The following TTF1 variants were observed in gnomAD, a reference collection of about 807,000 sequenced individuals.
TTF1 encodes transcription termination factor 1, also known as transcription termination factor, RNA polymerase I.
TTF1 carries 64 observed loss-of-function variants against 80.2 expected under a neutral mutation model. The ratio of observed to expected loss-of-function variants is 0.80; its 90% CI spans 0.65 to 0.98. The LOEUF (loss-of-function observed/expected upper bound fraction) is 0.98. Among genes scored for constraint, TTF1 ranks in the 50% least tolerant of loss-of-function variants. TTF1 has a pLI of 0.00. For synonymous variants in TTF1, 372 were observed against 382.7 expected (o/e 0.97, Z 0.33); for missense variants, 1,023 against 1,086.2 (o/e 0.94, Z 0.82).
rs902704125 is a variant in TTF1, at chr9:132,384,922, C to T, written c.2378+1634G>A. Among the ~76,000 whole-genome samples the T allele has an allele frequency of 6.6e-6, 1 of 152,168 alleles. No homozygotes were observed. Among genetic ancestry groups the T allele is most frequent in the African/African-American group, 2.4e-5 (1 of 41,436 alleles). ...CTGCCCACCTTGGCCTCCCAAAGTGCTGGGATTACAGGCAAGAGCCACCGT... is the reference window on the plus strand; with the variant it reads ...CTGCCCACCTTGGCCTCCCAAAGTGTTGGGATTACAGGCAAGAGCCACCGT... On this transcript the variant is annotated intron_variant, in intron 9 of 10. Coordinates refer to ENST00000334270, the MANE Select transcript of TTF1 (RefSeq NM_007344.4). The surrounding 1 kb of genome is among the most constrained non-coding windows in gnomAD (Gnocchi z 4.1).
Position 132,403,499 on chromosome 9 carries a change from A to G in TTF1, c.-7-671T>C, listed in dbSNP as rs1486288974. On this transcript the variant is annotated intron_variant, in intron 1 of 10. Transcript: ENST00000334270. Reference sequence around the variant, plus strand: ...CAGCTCTCCATGAAATTCTCTCCACAGCCTCCCCACCCTCCTTGCCTCCTG... The same window carrying G: ...CAGCTCTCCATGAAATTCTCTCCACGGCCTCCCCACCCTCCTTGCCTCCTG... Among the ~76,000 whole-genome samples, 9 of 151,946 alleles carry G rather than the reference A, an allele frequency of 5.9e-5. No individual in the cohort carries two copies. In the East Asian group the frequency reaches 1.4e-3, roughly 23 times the overall value.
Position 132,392,069 on chromosome 9 carries a change from C to T in TTF1, c.1987+7G>A, listed in dbSNP as rs761051287. ...CAGCGAGGTGGGCACTGGGGGCTGC[C>T]ACTTACGACTGCTGATCTGTGAGAA... is the stretch of plus-strand genomic sequence containing the variant. On this transcript the variant is annotated splice_region_variant and intron_variant, in intron 6 of 10. Coordinates refer to ENST00000334270, the MANE Select transcript of TTF1 (RefSeq NM_007344.4). 12 of 1,613,618 alleles carry T rather than the reference C, an allele frequency of 7.4e-6. No individual in the cohort carries two copies. The highest frequency in any genetic ancestry group is 1.7e-4 in the Middle Eastern group (1 of 5,826).
Position 132,402,234 on chromosome 9 carries a change from C to G in TTF1, c.588G>C (p.Glu196Asp). ...TLPQSESHQEESWLSVGPGGE... is the reference protein window; with the variant it reads ...TLPQSESHQEDSWLSVGPGGE... Reference sequence around the variant, plus strand: ...CCCCTGGACCCACAGAAAGCCAGGACTCCTCCTGGTGGGATTCTGACTGAG... The same window carrying G: ...CCCCTGGACCCACAGAAAGCCAGGAGTCCTCCTGGTGGGATTCTGACTGAG... The change falls in exon 2 of 11, where the codon GAG (glutamate) becomes GAC (aspartate). Residue 196 changes from glutamate to aspartate, a missense_variant. Physicochemically the swap from Glu to Asp is conservative, Grantham distance 45 (BLOSUM62 2). Transcript: ENST00000334270. 6.2e-7 allele frequency: 1 copy of G among 1,614,154 alleles called. No homozygotes were observed. Among genetic ancestry groups the G allele is most frequent in the Non-Finnish European group, 8.5e-7 (1 of 1,180,036 alleles).
intron 9 of TTF1, among the ~76,000 whole-genome samples, chr9:132,382,434 A>G (rs921968176): frequency 2.6e-5 from 4 of 152,206 alleles, no homozygotes; most frequent in Non-Finnish European, 4.4e-5. Context: ...TCAAAACGAG[A>G]ATTATGTACC....
In TTF1 at chr9:132,396,524, G is replaced by A. The variant is rs746609945; in HGVS notation, c.1778-13C>T. ...GCAATGTTCCTACCTAAAGTCAGAAGAAAGGTGATCAGAGGGACTCACATG... is the reference window on the plus strand; with the variant it reads ...GCAATGTTCCTACCTAAAGTCAGAAAAAAGGTGATCAGAGGGACTCACATG... On this transcript the variant is annotated splice_polypyrimidine_tract_variant and intron_variant, in intron 4 of 10. Coordinates refer to ENST00000334270, the MANE Select transcript of TTF1 (RefSeq NM_007344.4). 2 of 1,613,070 alleles carry A rather than the reference G, an allele frequency of 1.2e-6. No homozygotes were observed. The highest frequency in any genetic ancestry group is 2.2e-5 in the East Asian group (1 of 44,878).
chr9:132,388,917 C>T (rs937114568), intron 7 of TTF1, among the ~76,000 whole-genome samples: 10 of 152,204 alleles, frequency 6.6e-5, no homozygotes, highest in South Asian at 2.1e-4. Flanking sequence ...GAGATACACA[C>T]GCTGATCAAC....
intron 6 of TTF1, 75 bp downstream of exon 6, chr9:132,392,001 G>C (rs1027131251): frequency 5.6e-6 from 9 of 1,593,464 alleles, no homozygotes; most frequent in Non-Finnish European, 7.7e-6. Flanking sequence ...TCCGGGCATT[G>C]GATCGGTTAT....
chr9:132,387,764 G>A (rs1849495473), intron 8 of TTF1, among the ~76,000 whole-genome samples: 1 of 152,210 alleles, frequency 6.6e-6, no homozygotes, highest in Non-Finnish European at 1.5e-5. Flanking sequence ...ACACCAACAA[G>A]CTCATGCTGG....
chr9:132,392,328 G>A (rs1404880428), intron 5 of TTF1, 122 bp from the exon 6 acceptor site: 17 of 1,154,640 alleles, frequency 1.5e-5, no homozygotes, highest in Non-Finnish European at 2.1e-5. Flanking sequence ...AGGGAACCCG[G>A]TCACAGCCCT....
Position 132,392,123 on chromosome 9 carries a change from G to C in TTF1, c.1940C>G (p.Ala647Gly), listed in dbSNP as rs969045897. Residue 647 changes from alanine (A) to glycine (G), a missense_variant, in exon 6 of 11, where the codon GCC (alanine) becomes GGC (glycine). Transcript: ENST00000334270. ...NDWKTIGEMV[A>G]RSSLSVALKF... The stretch of plus-strand genomic sequence containing the variant: ...GAGGGCCACGGAGAGGCTACTTCGG[G>C]CCACCATCTCACCAATCGTCTTCCA... 5.0e-6 allele frequency: 8 copies of C among 1,614,134 alleles called. No homozygotes were observed. The highest frequency in any genetic ancestry group is 6.8e-6 in the Non-Finnish European group (8 of 1,180,028).
At chr9:132,387,355 T>A (rs1365037786) in intron 8 of TTF1, among the ~76,000 whole-genome samples, 2 of 152,064 alleles carry the variant, frequency 1.3e-5, no homozygotes, top group Admixed American at 6.5e-5. Flanking sequence ...CCAGATTGCA[T>A]GACTAATAGG....
intron 10 of TTF1, among the ~76,000 whole-genome samples, chr9:132,377,156 TGTG>T (rs1328937340): frequency 7.0e-5 from 10 of 143,496 alleles, no homozygotes; most frequent in Non-Finnish European, 9.2e-5. Context: ...AGTGCATGCA[TGTG>T]GTGAGTGCAT....
At chr9:132,381,620 T>C (rs528313351) in intron 9 of TTF1, among the ~76,000 whole-genome samples, 7 of 152,334 alleles carry the variant, frequency 4.6e-5, no homozygotes, top group Admixed American at 3.3e-4. Flanking sequence ...CCCTCCCTGC[T>C]TGGGGCCTAT....
At chr9:132,383,630 G>A (rs923026320) in intron 9 of TTF1, among the ~76,000 whole-genome samples, 2 of 152,098 alleles carry the variant, frequency 1.3e-5, no homozygotes, top group Admixed American at 1.3e-4. Context: ...AAGAGACTTT[G>A]CATACATTTC....
In TTF1 at chr9:132,402,079, G is replaced by C. The variant is rs781495408; in HGVS notation, c.743C>G (p.Thr248Ser). The C allele has an allele frequency of 1.1e-5, 18 of 1,613,940 alleles. No homozygotes were observed. Among genetic ancestry groups the C allele is most frequent in the Non-Finnish European group, 1.5e-5 (18 of 1,180,032 alleles). Residue 248 changes from threonine (T) to serine (S), a missense_variant, in exon 2 of 11, where the codon ACT (threonine) becomes AGT (serine). Physicochemically the swap from Thr to Ser is moderately conservative, Grantham distance 58. Coordinates refer to ENST00000334270, the MANE Select transcript of TTF1 (RefSeq NM_007344.4). ...AGTAGGCTGGGATTCCTGCATATCA[G>C]TCCCGGCCTCTCTGCCTGCTTGCGA... The part of the protein sequence containing the change: ...EGSQAGREAG[T>S]DMQESQPTVG...
intron 3 of TTF1, among the ~76,000 whole-genome samples, 194 bp from the exon 4 acceptor site, chr9:132,398,520 A>G (rs1049902850): frequency 9.9e-5 from 15 of 152,166 alleles, no homozygotes; most frequent in African/African-American, 3.1e-4. Context: ...TCTTCTGTCA[A>G]TGTCTTCCCG....
In TTF1 at chr9:132,401,868, A is replaced by C. The variant is rs1172025950; in HGVS notation, c.954T>G (p.Gly318=). The C allele has an allele frequency of 2.5e-6, 4 of 1,611,264 alleles. No homozygotes were observed. The highest frequency in any genetic ancestry group is 3.4e-6 in the Non-Finnish European group (4 of 1,179,668). The change falls in exon 2 of 11, where the codon GGT becomes GGG. Residue 318 remains glycine (G), a synonymous_variant. Coordinates refer to ENST00000334270, the MANE Select transcript of TTF1 (RefSeq NM_007344.4). ...CAGGTGCTGGTATTCCTGCAGTTTC[A>C]CCATGCAGGCCCACAGCAGGCCGGG... ...QESRPAVGLH[G]ETAGIPAPAY...
At position 132,402,359 on chromosome 9, in the gene TTF1, T is replaced by C; in HGVS notation, c.463A>G (p.Lys155Glu). The C allele has an allele frequency of 6.2e-7, 1 of 1,614,190 alleles. No homozygotes were observed. Among genetic ancestry groups the C allele is most frequent in the Non-Finnish European group, 8.5e-7 (1 of 1,180,028 alleles). The change falls in exon 2 of 11, where the codon AAA becomes GAA. Residue 155 changes from lysine to glutamate, a missense_variant. Physicochemically the swap from Lys to Glu is moderately conservative, Grantham distance 56. Transcript: ENST00000334270. ...ACTTTACTGTGCAGGGCTTCTGATTTATGTGCATGTGACTTAGCAAGTACC... is the reference window on the plus strand; with the variant it reads ...ACTTTACTGTGCAGGGCTTCTGATTCATGTGCATGTGACTTAGCAAGTACC... ...FQVLAKSHAHKSEALHSKVRE... is the reference protein window; with the variant it reads ...FQVLAKSHAHESEALHSKVRE...
rs142295153 is a variant in TTF1 at position 132,406,134 on chromosome 9, C to T, written c.-8+656G>A. Among the ~76,000 whole-genome samples, 473 of 152,296 alleles carry T rather than the reference C, an allele frequency of 3.1e-3. 2 individuals are homozygous for T. The highest frequency in any genetic ancestry group is 0.011 in the African/African-American group (459 of 41,564). ...TGAGAACGGATATGCATTTATCCCC[C>T]CTTACTCAGAACATACACTTCCCGC... On this transcript the variant is annotated intron_variant, in intron 1 of 10. Coordinates refer to ENST00000334270, the MANE Select transcript of TTF1 (RefSeq NM_007344.4).
Sources: gnomAD v4.1 joint callset for allele counts (sites outside exome capture counted in the v4.1 genomes callset) on GRCh38, gnomAD v4.1.1 for gene constraint, Gnocchi (gnomAD v3.1) non-coding constraint, MANE v1.5 for transcripts, NCBI Gene and HGNC (gene_info 2026-07-23, HGNC 2026-07-21) for gene names.